MYO1D: variants seen among roughly 807,000 people sequenced by gnomAD.
MYO1D encodes myosin ID, also known as unconventional myosin-Id.
MYO1D carries 83 observed loss-of-function variants against 122.0 expected under a neutral mutation model. That is an observed-to-expected ratio of 0.68 (90% CI 0.57 to 0.82). The LOEUF is 0.82. Among genes scored for constraint, MYO1D ranks in the 40% least tolerant of loss-of-function variants. The probability of loss-of-function intolerance (pLI) is 0.00; values close to 1 mark genes in which losing one functional copy is unlikely to be tolerated. For missense variants in MYO1D, 1,157 were observed against 1,269.5 expected (o/e 0.91, Z 1.35); for synonymous variants, 464 against 446.9 (o/e 1.04, Z -0.48).
chr17:32,654,682 C>CT, intron 17 of MYO1D, 61 bp from the exon 18 acceptor site: 1 of 1,427,820 alleles, frequency 7.0e-7, no homozygotes, highest in South Asian at 1.5e-5. Flanking sequence ...CATTCTCTCT[C>CT]TCTTTTTTTT....
chr17:32,569,337 A>G (rs530396957), intron 21 of MYO1D, among the ~76,000 whole-genome samples: 1 of 152,378 alleles, frequency 6.6e-6, no homozygotes, highest in African/African-American at 2.4e-5. Context: ...AGCGCTGACT[A>G]ATCGAGGAAG....
intron 20 of MYO1D, among the ~76,000 whole-genome samples, chr17:32,636,929 G>A (rs942664849): frequency 3.3e-5 from 5 of 152,234 alleles, no homozygotes; most frequent in African/African-American, 1.2e-4. Flanking sequence ...TATGGGCAGG[G>A]TGTTGACAGC....
intron 17 of MYO1D, among the ~76,000 whole-genome samples, chr17:32,656,194 A>G (rs1036392438): frequency 1.3e-5 from 2 of 152,240 alleles, no homozygotes; most frequent in African/African-American, 4.8e-5. Flanking sequence ...CAGACGAATA[A>G]TCAAGGCCGG....
At chr17:32,715,681 AATATAAAC>A (rs2089435899) in intron 15 of MYO1D, among the ~76,000 whole-genome samples, 1 of 152,154 alleles carries the variant, frequency 6.6e-6, no homozygotes, top group Non-Finnish European at 1.5e-5. Flanking sequence ...AAGTATATAA[AATATAAAC>A]ATATATTTTC....
chr17:32,514,815 C>T (rs770439280), intron 21 of MYO1D, among the ~76,000 whole-genome samples: 9 of 152,210 alleles, frequency 5.9e-5, no homozygotes, highest in African/African-American at 1.9e-4. Flanking sequence ...GAGATGCGGA[C>T]AGGGGCCTTC....
chr17:32,559,431 TTGAGTTTCAGC>T (rs1331898207), intron 21 of MYO1D, among the ~76,000 whole-genome samples: 1 of 152,232 alleles, frequency 6.6e-6, no homozygotes, highest in African/African-American at 2.4e-5. Context: ...ACTCAATCAC[TTGAGTTTCAGC>T]TGAGTTTCAG....
At chr17:32,620,735 T>G (rs1287921529) in intron 20 of MYO1D, among the ~76,000 whole-genome samples, 2 of 152,204 alleles carry the variant, frequency 1.3e-5, no homozygotes, top group Non-Finnish European at 2.9e-5. Flanking sequence ...CCCAACTTCT[T>G]ATTCTAGATA....
intron 21 of MYO1D, among the ~76,000 whole-genome samples, chr17:32,534,263 C>T (rs549274111): frequency 1.7e-4 from 26 of 152,212 alleles, no homozygotes; most frequent in African/African-American, 5.8e-4. Context: ...AATTTCTGGG[C>T]TCAAGTGATT....
At chr17:32,523,017 A>T (rs145884108) in intron 21 of MYO1D, among the ~76,000 whole-genome samples, 10 of 152,212 alleles carry the variant, frequency 6.6e-5, no homozygotes, top group South Asian at 6.2e-4. Context: ...GGGTTTCACC[A>T]TGTTAGCCAG....
intron 18 of MYO1D, 97 bp downstream of exon 18, chr17:32,654,380 A>T: frequency 7.6e-7 from 1 of 1,313,754 alleles, no homozygotes; most frequent in Non-Finnish European, 1.0e-6. Flanking sequence ...AGTTTCTAAA[A>T]GTGTTTTATC....
intron 21 of MYO1D, among the ~76,000 whole-genome samples, chr17:32,580,379 T>TC (rs2087324467): frequency 6.9e-6 from 1 of 145,646 alleles, no homozygotes; most frequent in Non-Finnish European, 1.5e-5. Flanking sequence ...CTGAGATTGT[T>TC]TTTTTTTTTC....
intron 21 of MYO1D, among the ~76,000 whole-genome samples, chr17:32,509,664 C>T (rs1228005125): frequency 6.6e-6 from 1 of 152,026 alleles, no homozygotes; most frequent in Admixed American, 6.6e-5. Flanking sequence ...TTCCGGCTCA[C>T]TGCAACCTCC....
chr17:32,729,451 A>G (rs2089611692), intron 14 of MYO1D, among the ~76,000 whole-genome samples: 1 of 152,226 alleles, frequency 6.6e-6, no homozygotes, highest in African/African-American at 2.4e-5. Flanking sequence ...TGTGAAAGTG[A>G]GGAGCCAGGG....
intron 20 of MYO1D, among the ~76,000 whole-genome samples, chr17:32,619,444 A>G (rs2087825772): frequency 6.6e-6 from 1 of 152,132 alleles, no homozygotes; most frequent in Non-Finnish European, 1.5e-5. Flanking sequence ...TGTCTCATCT[A>G]TTTGGGAGGT....
At chr17:32,742,030 A>AAT (rs397758336) in intron 13 of MYO1D, among the ~76,000 whole-genome samples, 1 of 151,182 alleles carries the variant, frequency 6.6e-6, no homozygotes, top group African/African-American at 2.4e-5. Context: ...AAAAAAAAAA[A>AAT]GTAAATTAAA....
At chr17:32,703,912 GAA>G (rs1296286692) in intron 16 of MYO1D, among the ~76,000 whole-genome samples, 1 of 152,106 alleles carries the variant, frequency 6.6e-6, no homozygotes, top group East Asian at 1.9e-4. Flanking sequence ...CATAGAAGAT[GAA>G]TGATAAATCC....
At chr17:32,560,599 A>C (rs2087115935) in intron 21 of MYO1D, among the ~76,000 whole-genome samples, 1 of 130,916 alleles carries the variant, frequency 7.6e-6, no homozygotes, top group East Asian at 2.4e-4. Context: ...TAAAGTTAAA[A>C]ATTCTGACTC....
chr17:32,532,377 C>T (rs776454878), intron 21 of MYO1D, among the ~76,000 whole-genome samples: 8 of 152,188 alleles, frequency 5.3e-5, no homozygotes, highest in African/African-American at 1.9e-4. Context: ...GTAGTGTCAA[C>T]GTCTCATGGT....
At chr17:32,655,735 C>G (rs1418260449) in intron 17 of MYO1D, among the ~76,000 whole-genome samples, 2 of 152,106 alleles carry the variant, frequency 1.3e-5, no homozygotes, top group East Asian at 1.9e-4. Flanking sequence ...AGATGAGAAG[C>G]CATCGGAAGG....
Sources: allele counts gnomAD v4.1 joint callset (sites outside exome capture counted in the v4.1 genomes callset), GRCh38; gene constraint gnomAD v4.1.1; transcripts MANE v1.5; gene names NCBI Gene and HGNC (gene_info 2026-07-23, HGNC 2026-07-21).